KPNA6: variants seen among roughly 807,000 people sequenced by gnomAD.
KPNA6 encodes the protein importin subunit alpha-7.
Under a neutral mutation model 72.0 loss-of-function variants are expected in KPNA6, and 9 were observed. The ratio of observed to expected loss-of-function variants is 0.13; its 90% CI spans 0.08 to 0.22. The LOEUF is 0.22. KPNA6 is among the 10% of genes least tolerant of loss of function. The pLI is 1.00. For synonymous variants in KPNA6, 219 were observed against 242.1 expected, an observed-to-expected ratio of 0.90 and a Z score of 0.89; for missense variants, 374 against 655.7, an observed-to-expected ratio of 0.57 and a Z score of 4.69.
rs1642454159 is a variant in KPNA6 at position 32,172,405 on chromosome 1, C to T, written c.*1511C>T. 1 of 151,638 alleles carries T rather than the reference C, an allele frequency of 6.6e-6. No individual in the cohort carries two copies. Among genetic ancestry groups the T allele is most frequent in the Non-Finnish European group, 1.5e-5 (1 of 67,920 alleles). The allele number at this position is 151,638 out of a possible 1,614,324, so 9.4% of individuals were successfully genotyped here. On this transcript the variant is annotated 3_prime_UTR_variant, in exon 14 of 14. Transcript: ENST00000373625. ...GAAACTCAGAAGCAGTTTGCCTTGTCAAATTCAATCTCAATGGCCATTGTC... is the reference window on the plus strand; with the variant it reads ...GAAACTCAGAAGCAGTTTGCCTTGTTAAATTCAATCTCAATGGCCATTGTC...
chr1:32,172,101 C>G lies in KPNA6; in HGVS notation c.*1207C>G, dbSNP rs1310716619. Reference sequence around the variant, plus strand: ...TAGGTAGGTCAATCTTAATTGGTCTCAAGAGGAAGAACTGTCTGTCATTTC... The same window carrying G: ...TAGGTAGGTCAATCTTAATTGGTCTGAAGAGGAAGAACTGTCTGTCATTTC... On this transcript the variant is annotated 3_prime_UTR_variant, in exon 14 of 14. Transcript: ENST00000373625. 1.3e-5 allele frequency: 2 copies of G among 152,110 alleles called. No homozygotes were observed. Among genetic ancestry groups the G allele is most frequent in the African/African-American group, 4.8e-5 (2 of 41,404 alleles). 9.4% of individuals were successfully genotyped at this position (152,110 alleles called of 1,614,324 possible). A position where few individuals can be genotyped will look rare whatever the true frequency, so the allele number is the denominator to read the frequency against.
At chr1:32,150,722 G>A (rs925284235) in intron 1 of KPNA6, among the ~76,000 whole-genome samples, 29 of 151,916 alleles carry the variant, frequency 1.9e-4, no homozygotes, top group African/African-American at 7.0e-4. Context: ...CACCTCCCTG[G>A]TTCAAGTGAT....
chr1:32,113,153 G>A (rs955100917), intron 1 of KPNA6, among the ~76,000 whole-genome samples: 60 of 152,250 alleles, frequency 3.9e-4, no homozygotes, highest in African/African-American at 1.4e-3. Context: ...CACTTTGAGA[G>A]GATGAGGTGG....
At chr1:32,166,030 C>CAA in intron 10 of KPNA6, 75 bp from the exon 11 acceptor site, 1 of 1,466,054 alleles carries the variant, frequency 6.8e-7, no homozygotes. Context: ...ACAACAACAA[C>CAA]AACAACAAAA....
At chr1:32,167,662 CAG>C (rs1642363328) in intron 12 of KPNA6, among the ~76,000 whole-genome samples, 1 of 152,054 alleles carries the variant, frequency 6.6e-6, no homozygotes, top group African/African-American at 2.4e-5. Flanking sequence ...TTACTCAAAA[CAG>C]TTTCTTCAGC....
chr1:32,119,441 C>T (rs139719141), intron 1 of KPNA6, among the ~76,000 whole-genome samples: 253 of 152,250 alleles, frequency 1.7e-3, no homozygotes, highest in African/African-American at 5.7e-3. Context: ...ACCAGGCAGA[C>T]AGCAGTTAAT....
chr1:32,140,171 T>C (rs565377266), intron 1 of KPNA6, among the ~76,000 whole-genome samples: 1 of 152,184 alleles, frequency 6.6e-6, no homozygotes, highest in Non-Finnish European at 1.5e-5. Flanking sequence ...GATCACAAGG[T>C]CAGGAGTTCG....
chr1:32,145,811 CTG>C (rs1043537004), intron 1 of KPNA6, among the ~76,000 whole-genome samples: 1 of 152,174 alleles, frequency 6.6e-6, no homozygotes, highest in African/African-American at 2.4e-5. Context: ...CAGTACCACA[CTG>C]TTTTAATTAC....
chr1:32,151,443 A>G (rs1276657203), intron 1 of KPNA6, among the ~76,000 whole-genome samples: 2 of 152,102 alleles, frequency 1.3e-5, no homozygotes, highest in African/African-American at 2.4e-5. Flanking sequence ...CCCAGCATGT[A>G]TGCATCCTTA....
chr1:32,123,176 A>G (rs1234933171), intron 1 of KPNA6, among the ~76,000 whole-genome samples: 1 of 152,114 alleles, frequency 6.6e-6, no homozygotes, highest in Non-Finnish European at 1.5e-5. Context: ...GGGAAACAGA[A>G]CTGTCAAAGA....
intron 7 of KPNA6, among the ~76,000 whole-genome samples, chr1:32,161,023 G>T (rs1334927276): frequency 7.2e-5 from 11 of 152,082 alleles, no homozygotes; most frequent in Non-Finnish European, 1.6e-4. Flanking sequence ...AGGTGTGGTG[G>T]CAGGCACCTG....
At chr1:32,146,101 A>C (rs975978788) in intron 1 of KPNA6, among the ~76,000 whole-genome samples, 1 of 152,190 alleles carries the variant, frequency 6.6e-6, no homozygotes, top group Non-Finnish European at 1.5e-5. Context: ...TGCCTTGTAT[A>C]TCTCTCTTAG....
chr1:32,142,984 C>T (rs777596197), intron 1 of KPNA6: 3 of 1,289,824 alleles, frequency 2.3e-6, no homozygotes, highest in Non-Finnish European at 2.0e-6. Context: ...AGGCTAGCGT[C>T]CAGGACAGCC....
rs1406541593 is a variant in KPNA6 at position 32,161,962 on chromosome 1, C to T, written c.663C>T (p.Ser221=). 1 of 1,613,892 alleles carries T rather than the reference C, an allele frequency of 6.2e-7. No individual in the cohort carries two copies. The highest frequency in any genetic ancestry group is 2.2e-5 in the East Asian group (1 of 44,892). Residue 221 remains serine (S), a synonymous_variant, in exon 8 of 14, where the codon TCC becomes TCT. Transcript: ENST00000373625. ...TTTCCTTCAGACTCCTTACCAAGTC[C>T]ACACGACTGACGATGACACGGAATG... is the stretch of plus-strand genomic sequence containing the variant. ...LNPLLTLLTK[S]TRLTMTRNAV...
At chr1:32,157,026 AC>A in intron 3 of KPNA6, 81 bp downstream of exon 3, 1 of 996,060 alleles carries the variant, frequency 1.0e-6, no homozygotes, top group Non-Finnish European at 1.6e-6. Flanking sequence ...CACATCATCT[AC>A]CAGCTTTGCC....
At chr1:32,133,791 A>G (rs1010396752) in intron 1 of KPNA6, among the ~76,000 whole-genome samples, 12 of 152,262 alleles carry the variant, frequency 7.9e-5, no homozygotes, top group Admixed American at 5.9e-4. Context: ...CTGTAATCCC[A>G]GCACTTTGGA....
At chr1:32,157,060 C>A in intron 3 of KPNA6, 115 bp downstream of exon 3, 1 of 719,140 alleles carries the variant, frequency 1.4e-6, no homozygotes. Flanking sequence ...AAGTTCTTTC[C>A]TCTGTGGACC....
chr1:32,139,678 A>G (rs1641804353), intron 1 of KPNA6, among the ~76,000 whole-genome samples: 2 of 152,336 alleles, frequency 1.3e-5, no homozygotes, highest in Non-Finnish European at 2.9e-5. Context: ...GGAGAGGAGG[A>G]TGGACATTAT....
At position 32,133,252 on chromosome 1, in the gene KPNA6, G is replaced by A. The variant is rs151003799; in HGVS notation, c.5-21336G>A. 7.3e-3 allele frequency among the ~76,000 whole-genome samples: 1,112 copies of A among 152,068 alleles called. 6 individuals carry two copies. The highest frequency in any genetic ancestry group is 0.011 in the Non-Finnish European group (772 of 67,988). On this transcript the variant is annotated intron_variant, in intron 1 of 13. Transcript: ENST00000373625. The stretch of plus-strand genomic sequence containing the variant: ...CCAGCTACTCAGGAGGCTGAGGTAA[G>A]AGGATTGCTTGAGTCTGGGAGGTTG...
Sources: allele counts gnomAD v4.1 joint callset (sites outside exome capture counted in the v4.1 genomes callset), GRCh38; gene constraint gnomAD v4.1.1; transcripts MANE v1.5; gene names NCBI Gene and HGNC (gene_info 2026-07-23, HGNC 2026-07-21).